The following CDH13 variants were observed in gnomAD, a reference collection of about 807,000 sequenced individuals.
CDH13 encodes the protein cadherin 13, also known as cadherin-13.
CDH13 carries 24 observed loss-of-function variants against 63.8 expected under a neutral mutation model. The observed-to-expected ratio is 0.38, with a 90% CI of 0.27 to 0.53. CDH13 has a LOEUF of 0.53. Among genes scored for constraint, CDH13 ranks in the 20% least tolerant of loss-of-function variants. The pLI is 0.85. For missense variants in CDH13, 1,049 were observed against 903.1 expected (o/e 1.16, Z -2.07); for synonymous variants, 503 against 355.3 (o/e 1.42, Z -4.67).
chr16:83,611,227 A>G (rs2150763481), intron 8 of CDH13, among the ~76,000 whole-genome samples: 1 of 151,116 alleles, frequency 6.6e-6, no homozygotes, highest in Admixed American at 6.6e-5. Context: ...TTTTTTTTAC[A>G]CTCTGGCTTT....
intron 1 of CDH13, among the ~76,000 whole-genome samples, chr16:82,746,243 C>T (rs2318187): frequency 7.0e-5 from 6 of 85,342 alleles, no homozygotes; most frequent in East Asian, 3.1e-4. Flanking sequence ...TATATAAACA[C>T]ACTGTTTATA....
At chr16:82,947,618 A>G (rs1456352450) in intron 2 of CDH13, among the ~76,000 whole-genome samples, 1 of 152,196 alleles carries the variant, frequency 6.6e-6, no homozygotes, top group Non-Finnish European at 1.5e-5. Context: ...TTCAAGGAGG[A>G]AACTTAACAA....
At chr16:83,756,929 T>G (rs1597184784) in intron 11 of CDH13, among the ~76,000 whole-genome samples, 2 of 152,166 alleles carry the variant, frequency 1.3e-5, no homozygotes, top group South Asian at 4.1e-4. Flanking sequence ...ATTAACAAAT[T>G]TCATCAACTA....
intron 2 of CDH13, among the ~76,000 whole-genome samples, chr16:82,890,459 A>G (rs1321617896): frequency 1.3e-5 from 2 of 152,150 alleles, no homozygotes; most frequent in Non-Finnish European, 2.9e-5. Context: ...GTCGGAATAA[A>G]TAATTGAGGC....
chr16:82,972,689 G>T (rs559109501), intron 2 of CDH13, among the ~76,000 whole-genome samples: 1 of 152,312 alleles, frequency 6.6e-6, no homozygotes, highest in South Asian at 2.1e-4. Context: ...TTAATATTAT[G>T]TGTGGTAGAT....
At chr16:83,661,774 C>G (rs1035899587) in intron 8 of CDH13, among the ~76,000 whole-genome samples, 1 of 152,222 alleles carries the variant, frequency 6.6e-6, no homozygotes, top group Non-Finnish European at 1.5e-5. Flanking sequence ...GACTCAGCAC[C>G]TTCTGTGTAT....
At chr16:82,686,892 C>G (rs530463214) in intron 1 of CDH13, among the ~76,000 whole-genome samples, 3 of 152,222 alleles carry the variant, frequency 2.0e-5, no homozygotes, top group Non-Finnish European at 4.4e-5. Flanking sequence ...CAGGAGAATT[C>G]TTCCTTGGAT....
intron 5 of CDH13, among the ~76,000 whole-genome samples, chr16:83,264,239 G>A (rs993828099): frequency 6.6e-6 from 1 of 152,062 alleles, no homozygotes; most frequent in Non-Finnish European, 1.5e-5. Flanking sequence ...TGTTCAATGG[G>A]AATTTAAGAC....
At position 83,449,973 on chromosome 16, in the gene CDH13, C is replaced by T. The variant is rs190766160; in HGVS notation, c.782-36504C>T. Among the ~76,000 whole-genome samples the T allele has an allele frequency of 2.6e-4, 39 of 152,236 alleles. 1 individual carries two copies. The East Asian group carries it at 7.3e-3, about 29-fold the overall frequency. On this transcript the variant is annotated intron_variant, in intron 6 of 13. Coordinates refer to ENST00000567109, the MANE Select transcript of CDH13 (RefSeq NM_001257.5). ...AAAGAGCATTTGATGACTGAATCAC[C>T]GGTCTTCGCTAGCAGGGCAGAGGCA...
At chr16:82,720,896 T>C (rs2032729688) in intron 1 of CDH13, among the ~76,000 whole-genome samples, 1 of 152,098 alleles carries the variant, frequency 6.6e-6, no homozygotes, top group Admixed American at 6.6e-5. Flanking sequence ...GCTTGGTAAA[T>C]AGTAGATGCT....
intron 1 of CDH13, among the ~76,000 whole-genome samples, chr16:82,649,028 A>G (rs1472599752): frequency 6.6e-6 from 1 of 152,204 alleles, no homozygotes; most frequent in Non-Finnish European, 1.5e-5. Flanking sequence ...AAATGATTCC[A>G]ACATTTTAAA....
chr16:83,625,044 C>A (rs11639522), intron 8 of CDH13, among the ~76,000 whole-genome samples: 1 of 151,894 alleles, frequency 6.6e-6, no homozygotes, highest in Non-Finnish European at 1.5e-5. Flanking sequence ...TATTTAAGCA[C>A]AAAAATGGAC....
chr16:83,523,776 T>C (rs1355751390), intron 7 of CDH13, among the ~76,000 whole-genome samples: 1 of 152,220 alleles, frequency 6.6e-6, no homozygotes, highest in African/African-American at 2.4e-5. Context: ...AGGACAACAT[T>C]GAACATTGGG....
At chr16:82,780,887 A>C (rs1341263261) in intron 1 of CDH13, among the ~76,000 whole-genome samples, 1 of 152,242 alleles carries the variant, frequency 6.6e-6, no homozygotes, top group Non-Finnish European at 1.5e-5. Flanking sequence ...TTCATTCTAC[A>C]TTTGACAGTA....
At chr16:82,723,901 T>C (rs543415461) in intron 1 of CDH13, among the ~76,000 whole-genome samples, 1 of 152,296 alleles carries the variant, frequency 6.6e-6, no homozygotes, top group East Asian at 1.9e-4. Context: ...TGTTATTTTT[T>C]CTATTCCCAC....
chr16:83,487,575 G>A (rs948223302), intron 7 of CDH13, among the ~76,000 whole-genome samples: 3 of 152,162 alleles, frequency 2.0e-5, no homozygotes, highest in East Asian at 3.9e-4. Context: ...AGACCCTCGC[G>A]GACCTCCAAA....
At chr16:83,250,862 G>A (rs1411253695) in intron 5 of CDH13, among the ~76,000 whole-genome samples, 1 of 152,278 alleles carries the variant, frequency 6.6e-6, no homozygotes, top group East Asian at 1.9e-4. Context: ...ATATGGGAGT[G>A]ACTTAAATTC....
chr16:83,709,017 C>T (rs186980318), intron 10 of CDH13, among the ~76,000 whole-genome samples: 5 of 151,976 alleles, frequency 3.3e-5, no homozygotes, highest in Admixed American at 2.6e-4. Flanking sequence ...GAGCGAGACC[C>T]TGTCTCAAAA....
chr16:83,472,895 T>C (rs1455309960), intron 6 of CDH13, among the ~76,000 whole-genome samples: 2 of 152,140 alleles, frequency 1.3e-5, no homozygotes, highest in Admixed American at 6.6e-5. Flanking sequence ...ATCTAAGTTA[T>C]CCCTTGAGTG....
Sources: allele counts gnomAD v4.1 joint callset (sites outside exome capture counted in the v4.1 genomes callset), GRCh38; gene constraint gnomAD v4.1.1; transcripts MANE v1.5; gene names NCBI Gene and HGNC (gene_info 2026-07-23, HGNC 2026-07-21).